FOXR1: variants seen among roughly 807,000 people sequenced by gnomAD.
FOXR1 encodes the protein forkhead box protein R1.
FOXR1 carries 25 observed loss-of-function variants against 34.5 expected under a neutral mutation model. The ratio of observed to expected loss-of-function variants is 0.72; its 90% CI spans 0.53 to 1.01. The LOEUF (loss-of-function observed/expected upper bound fraction) is 1.01. Ranked by LOEUF, FOXR1 falls within the 50% of genes least tolerant of loss-of-function variation. The pLI, the probability that FOXR1 is intolerant of heterozygous loss-of-function variation, is 0.00. For missense variants in FOXR1, 373 were observed against 376.2 expected (o/e 0.99, Z 0.07); for synonymous variants, 153 against 141.6 (o/e 1.08, Z -0.57).
intron 1 of FOXR1, among the ~76,000 whole-genome samples, chr11:118,974,630 G>A (rs922466504): frequency 6.6e-6 from 1 of 152,174 alleles, no homozygotes; most frequent in African/African-American, 2.4e-5. Flanking sequence ...TACAAATTAT[G>A]TGGCTAGTCC....
intron 4 of FOXR1, chr11:118,980,080 G>A (rs527900821): frequency 2.3e-6 from 1 of 430,502 alleles, no homozygotes; most frequent in Non-Finnish European, 4.5e-6. Context: ...AGTTGAGAAG[G>A]ATTTTCCATT....
At chr11:118,980,177 A>T in intron 4 of FOXR1, 1 of 571,404 alleles carries the variant, frequency 1.8e-6, no homozygotes, top group Non-Finnish European at 3.3e-6. Context: ...CTAATGTCTC[A>T]GGACAGGAAT....
chr11:118,976,028 G>A (rs1011841123), intron 1 of FOXR1, among the ~76,000 whole-genome samples: 1 of 152,208 alleles, frequency 6.6e-6, no homozygotes, highest in Non-Finnish European at 1.5e-5. Flanking sequence ...TGGGATCATA[G>A]TTGGGGTTGA....
chr11:118,981,076 G>T (rs574640737), intron 5 of FOXR1, 132 bp from the exon 6 acceptor site: 1 of 860,936 alleles, frequency 1.2e-6, no homozygotes. Context: ...GCAGTGCAGG[G>T]AGGCTTCAGA....
chr11:118,980,148 C>T (rs1201495984), intron 4 of FOXR1: 2 of 524,816 alleles, frequency 3.8e-6, no homozygotes, highest in Non-Finnish European at 7.3e-6. Flanking sequence ...GGGCCCTTTC[C>T]CAGTGTTAGG....
At chr11:118,974,213 G>C (rs1224592364) in intron 1 of FOXR1, among the ~76,000 whole-genome samples, 2 of 152,176 alleles carry the variant, frequency 1.3e-5, no homozygotes, top group African/African-American at 4.8e-5. Context: ...TTGACTTTGA[G>C]TCAGATGAGG....
chr11:118,978,855 T>C lies in FOXR1; in HGVS notation c.135T>C (p.Asp45=), dbSNP rs1180329361. The change falls in exon 2 of 6, where the codon GAT becomes GAC. Residue 45 remains aspartate, a splice_region_variant and synonymous_variant. Transcript: ENST00000317011. ...PLEKKPNPDK[D]GPDYEPNLWM... is the part of the protein sequence containing the mutation. ...AGAAAAAACCCAACCCTGATAAGGA[T>C]GGTACGTATTGAGTTCTCTGACCTG... 3.7e-6 allele frequency: 6 copies of C among 1,614,192 alleles called. No homozygotes were observed. The highest frequency in any genetic ancestry group is 3.4e-6 in the Non-Finnish European group (4 of 1,180,032).
At chr11:118,974,661 A>T (rs1592026257) in intron 1 of FOXR1, among the ~76,000 whole-genome samples, 4 of 152,310 alleles carry the variant, frequency 2.6e-5, no homozygotes, top group Middle Eastern at 3.4e-3. Context: ...AGATTTGAAA[A>T]GATCACTCTG....
intron 5 of FOXR1, 103 bp downstream of exon 5, chr11:118,980,831 G>A: frequency 1.8e-6 from 2 of 1,103,934 alleles, no homozygotes; most frequent in Non-Finnish European, 2.6e-6. Flanking sequence ...GTGGGGGAAT[G>A]CATCTTCTAT....
chr11:118,972,128 CG>C (rs1215433816), intron 1 of FOXR1, 136 bp downstream of exon 1: 4 of 450,106 alleles, frequency 8.9e-6, no homozygotes, highest in East Asian at 7.4e-5. Context: ...GAGCGCCCCG[CG>C]CCCCCCCCCC....
chr11:118,980,295 A>G, intron 4 of FOXR1, 195 bp from the exon 5 acceptor site: 1 of 708,282 alleles, frequency 1.4e-6, no homozygotes. Context: ...AGAGGGAGGG[A>G]GGGTTCAGGT....
At chr11:118,975,285 G>T (rs1429978458) in intron 1 of FOXR1, among the ~76,000 whole-genome samples, 1 of 152,162 alleles carries the variant, frequency 6.6e-6, no homozygotes, top group Non-Finnish European at 1.5e-5. Flanking sequence ...GAGGTCCCTG[G>T]TTAGTGGTTT....
At chr11:118,975,892 T>C (rs941534436) in intron 1 of FOXR1, among the ~76,000 whole-genome samples, 4 of 152,198 alleles carry the variant, frequency 2.6e-5, no homozygotes, top group African/African-American at 7.2e-5. Flanking sequence ...TGGTCAGATA[T>C]TACGCAGGTT....
At position 118,978,834 on chromosome 11, in the gene FOXR1, A is replaced by G; in HGVS notation, c.114A>G (p.Lys38=). 6.2e-7 allele frequency: 1 copy of G among 1,614,198 alleles called. No homozygotes were observed. Among genetic ancestry groups the G allele is most frequent in the Non-Finnish European group, 8.5e-7 (1 of 1,180,042 alleles). The part of the protein sequence containing the change: ...IVKPPKLPLE[K]KPNPDKDGPD... ...AGCCACCAAAATTACCCCTAGAGAA[A>G]AAACCCAACCCTGATAAGGATGGTA... The change falls in exon 2 of 6, where the codon AAA becomes AAG. Residue 38 remains lysine, a synonymous_variant. Transcript: ENST00000317011.
At chr11:118,973,475 C>T (rs770797431) in intron 1 of FOXR1, among the ~76,000 whole-genome samples, 2 of 152,032 alleles carry the variant, frequency 1.3e-5, no homozygotes, top group African/African-American at 4.8e-5. Flanking sequence ...TGCAGTGGTG[C>T]GATCTCCTCT....
intron 5 of FOXR1, 42 bp downstream of exon 5, chr11:118,980,770 T>C: frequency 6.4e-7 from 1 of 1,570,948 alleles, no homozygotes; most frequent in Non-Finnish European, 8.6e-7. Context: ...GGAAGAGACC[T>C]GAGGATCCTG....
chr11:118,978,695 C>G, intron 1 of FOXR1, 87 bp from the exon 2 acceptor site: 2 of 1,423,806 alleles, frequency 1.4e-6, no homozygotes, highest in Admixed American at 1.7e-5. Context: ...ACAACCTTCT[C>G]CCAGAGAAGC....
chr11:118,980,873 C>A, intron 5 of FOXR1, 145 bp downstream of exon 5: 1 of 846,012 alleles, frequency 1.2e-6, no homozygotes, highest in Non-Finnish European at 1.8e-6. Flanking sequence ...TGATCTGAGA[C>A]CCTCAGGTGA....
In FOXR1 at chr11:118,979,500, C is replaced by T. The variant is rs137887301; in HGVS notation, c.443C>T (p.Ser148Phe). The change falls in exon 4 of 6, where the codon TCC (serine) becomes TTC (phenylalanine). Residue 148 changes from serine (S) to phenylalanine (F), a missense_variant. Transcript: ENST00000317011. ...GACAGCTCCTCTATGGCTCTCCCAT[C>T]CCCTCACAAAAGGGCCCCCCTCCAG... is the stretch of plus-strand genomic sequence containing the variant. ...QEDSSSMALP[S>F]PHKRAPLQSR... 5.3e-5 allele frequency: 86 copies of T among 1,613,206 alleles called. No individual in the cohort carries two copies. The highest frequency in any genetic ancestry group is 1.2e-4 in the Admixed American group (7 of 59,886).
Sources: gnomAD v4.1 joint callset for allele counts (sites outside exome capture counted in the v4.1 genomes callset) on GRCh38, gnomAD v4.1.1 for gene constraint, MANE v1.5 for transcripts, NCBI Gene and HGNC (gene_info 2026-07-23, HGNC 2026-07-21) for gene names.